Variants in DENND1C observed in about 807,000 individuals in gnomAD.
DENND1C encodes DENN domain-containing protein 1C.
Under a neutral mutation model 87.9 loss-of-function variants are expected in DENND1C, and 64 were observed. The observed-to-expected ratio is 0.73, with a 90% CI of 0.60 to 0.90. DENND1C has a LOEUF of 0.90. DENND1C is among the 40% of genes least tolerant of loss of function. The pLI is 0.00. For synonymous variants in DENND1C, 384 were observed against 424.4 expected, an observed-to-expected ratio of 0.90 and a Z score of 1.17; for missense variants, 980 against 1,037.0, an observed-to-expected ratio of 0.95 and a Z score of 0.76.
At position 6,470,202 on chromosome 19, in the gene DENND1C, G is replaced by A. The variant is rs772513066; in HGVS notation, c.1362+93C>T. 6 of 1,292,000 alleles carry A rather than the reference G, an allele frequency of 4.6e-6. No homozygotes were observed. The Admixed American group carries it at 6.0e-5, about 13-fold the overall frequency. 80.0% of individuals were successfully genotyped at this position (1,292,000 alleles called of 1,614,324 possible). A position where few individuals can be genotyped will look rare whatever the true frequency, so the allele number is the denominator to read the frequency against. On this transcript the variant is annotated intron_variant, in intron 18 of 22. Coordinates refer to ENST00000381480, the MANE Select transcript of DENND1C (RefSeq NM_024898.4). Reference sequence around the variant, plus strand: ...CATTTGTGTTTAAAGTGTCTGCCAGGGTCAAAATACTCCATCCTTGGGAGG... The same window carrying A: ...CATTTGTGTTTAAAGTGTCTGCCAGAGTCAAAATACTCCATCCTTGGGAGG...
At chr19:6,471,593 G>T in intron 15 of DENND1C, 97 bp from the exon 16 acceptor site, 1 of 1,182,084 alleles carries the variant, frequency 8.5e-7, no homozygotes, top group Non-Finnish European at 1.2e-6. Context: ...AGCCATCTCT[G>T]GCCTCCAACC....
chr19:6,478,723 G>A, intron 6 of DENND1C, 60 bp downstream of exon 6: 2 of 1,546,128 alleles, frequency 1.3e-6, no homozygotes, highest in Non-Finnish European at 8.8e-7. Flanking sequence ...GGAGGGGTTG[G>A]GAGGTTGAGG....
At chr19:6,476,473 A>C in intron 10 of DENND1C, 1 of 195,060 alleles carries the variant, frequency 5.1e-6, no homozygotes, top group East Asian at 1.4e-4. Flanking sequence ...CTGTGTTCCT[A>C]GGTCCCTGGG....
chr19:6,472,362 C>T (rs1270395952), intron 15 of DENND1C, among the ~76,000 whole-genome samples: 1 of 152,148 alleles, frequency 6.6e-6, no homozygotes, highest in Admixed American at 6.5e-5. Flanking sequence ...CCCCCAGGAA[C>T]CCAGGAGTTG....
chr19:6,472,765 A>G (rs2092836498), intron 15 of DENND1C, 124 bp downstream of exon 15: 3 of 701,062 alleles, frequency 4.3e-6, no homozygotes, highest in East Asian at 3.4e-5. Context: ...ATCCTGCTGG[A>G]CTGTCTCCAG....
intron 14 of DENND1C, among the ~76,000 whole-genome samples, chr19:6,473,816 G>GGGGGGGGGGGGGGGCCAC: frequency 7.6e-6 from 1 of 131,696 alleles, no homozygotes. Flanking sequence ...GGGGGGTGGG[G>GGGGGGGGGGGGGGGCCAC]GGAGGGAAAT....
chr19:6,471,625 G>A (rs1043429199), intron 15 of DENND1C, 129 bp from the exon 16 acceptor site: 13 of 751,124 alleles, frequency 1.7e-5, no homozygotes, highest in Non-Finnish European at 2.4e-5. Context: ...AAGCACCTGG[G>A]AAACTGGAGC....
rs2092853124 is a variant in DENND1C, at chr19:6,475,405, G to A, written c.928-6C>T. 1.2e-6 allele frequency: 2 copies of A among 1,612,010 alleles called. No individual in the cohort carries two copies. Among genetic ancestry groups the A allele is most frequent in the Non-Finnish European group, 1.7e-6 (2 of 1,178,720 alleles). ...CGGAGCCTCAGCAGGGACACCTGAA[G>A]CACAAGGGAGTGGCCCTGAGTGGGC... On this transcript the variant is annotated splice_region_variant and splice_polypyrimidine_tract_variant and intron_variant, in intron 13 of 22. Transcript: ENST00000381480.
At chr19:6,473,026 G>A (rs2092838010) in intron 14 of DENND1C, 33 bp from the exon 15 acceptor site, 2 of 1,443,402 alleles carry the variant, frequency 1.4e-6, no homozygotes, top group South Asian at 2.9e-5. Context: ...GAGCTCCCTG[G>A]GGTGCTCCTG....
At position 6,471,500 on chromosome 19, in the gene DENND1C, G is replaced by C; in HGVS notation, c.1159-4C>G. 1 of 1,548,968 alleles carries C rather than the reference G, an allele frequency of 6.5e-7. No individual in the cohort carries two copies. ...TCTCCAGCCGGGCTTCGATGAACTG[G>C]GGTGGGGGACAGTAAATCAGAAACA... On this transcript the variant is annotated splice_region_variant and splice_polypyrimidine_tract_variant and intron_variant, in intron 15 of 22. Coordinates refer to ENST00000381480, the MANE Select transcript of DENND1C (RefSeq NM_024898.4).
intron 6 of DENND1C, 127 bp from the exon 7 acceptor site, chr19:6,477,585 T>G: frequency 2.7e-6 from 1 of 375,602 alleles, no homozygotes. Flanking sequence ...GGAGTTTTTT[T>G]TTTTCTTTCT....
At position 6,481,745 on chromosome 19, in the gene DENND1C, G is replaced by A; in HGVS notation, c.-50C>T. ...GGGCCCTCTCCCCAGGGGTCCTGGG[G>A]GCCTGTGTATGCTGGGCCCCAAGCC... On this transcript the variant is annotated 5_prime_UTR_variant, in exon 1 of 23. Transcript: ENST00000381480. The A allele has an allele frequency of 6.6e-7, 1 of 1,516,024 alleles. No homozygotes were observed. Among genetic ancestry groups the A allele is most frequent in the Non-Finnish European group, 8.8e-7 (1 of 1,136,682 alleles). 93.9% of individuals were successfully genotyped at this position (1,516,024 alleles called of 1,614,324 possible).
In DENND1C at chr19:6,467,602, C is replaced by T. The variant is rs1295921474; in HGVS notation, c.2308G>A (p.Ala770Thr). Residue 770 changes from alanine to threonine, a missense_variant, in exon 23 of 23, where the codon GCC becomes ACC. Physicochemically the swap from Ala to Thr is moderately conservative, Grantham distance 58 (BLOSUM62 0). Coordinates refer to ENST00000381480, the MANE Select transcript of DENND1C (RefSeq NM_024898.4). The stretch of plus-strand genomic sequence containing the variant: ...GTGGGTGTAGCAGGGGAATTCAGGG[C>T]TCCTGGTTCCTCCCGTGGCTGGAGG... ...AHLQPREEPG[A>T]LNSPATPTSN... is the part of the protein sequence containing the mutation. The T allele has an allele frequency of 5.1e-6, 8 of 1,581,126 alleles. No individual in the cohort carries two copies. The highest frequency in any genetic ancestry group is 1.4e-5 in the African/African-American group (1 of 73,242).
Position 6,471,235 on chromosome 19 carries a change from G to A in DENND1C, c.1290+30C>T, listed in dbSNP as rs1476660472. ...GTTGGGATTACAGGCCTAAGCCAAC[G>A]CCCACGGCCTATTGTTCTGGTGGTC... On this transcript the variant is annotated intron_variant, in intron 17 of 22. Coordinates refer to ENST00000381480, the MANE Select transcript of DENND1C (RefSeq NM_024898.4). 1.4e-5 allele frequency: 22 copies of A among 1,566,520 alleles called. No homozygotes were observed. The South Asian group carries it at 1.4e-4, about 10-fold the overall frequency.
intron 20 of DENND1C, 62 bp from the exon 21 acceptor site, chr19:6,468,707 TGGA>T: frequency 7.1e-7 from 1 of 1,402,492 alleles, no homozygotes; most frequent in Non-Finnish European, 9.4e-7. Context: ...TGAGGCTTGC[TGGA>T]GAAGGGTGAG....
rs563864020 is a variant in DENND1C, at chr19:6,472,878, C to G, written c.1158+11G>C. On this transcript the variant is annotated intron_variant, in intron 15 of 22. Transcript: ENST00000381480. ...TCCAGTCCCAGCTGGACCCTCAGGG[C>G]TCTGGCATACCTGTTTGAACAGCTG... The G allele has an allele frequency of 4.0e-6, 6 of 1,515,510 alleles. No individual in the cohort carries two copies. The African/African-American group carries it at 8.4e-5, about 21-fold the overall frequency. The allele number at this position is 1,515,510 out of a possible 1,614,324, so 93.9% of individuals were successfully genotyped here. A position where few individuals can be genotyped will look rare whatever the true frequency, so the allele number is the denominator to read the frequency against.
In DENND1C at chr19:6,475,522, T is replaced by C. The variant is rs2092853902; in HGVS notation, c.889A>G (p.Thr297Ala). 5 of 1,613,746 alleles carry C rather than the reference T, an allele frequency of 3.1e-6. No individual in the cohort carries two copies. The highest frequency in any genetic ancestry group is 3.3e-5 in the Admixed American group (2 of 59,990). The change falls in exon 13 of 23, where the codon ACG becomes GCG. Residue 297 changes from threonine to alanine, a missense_variant. Physicochemically the swap from Thr to Ala is moderately conservative, Grantham distance 58 (BLOSUM62 0). Transcript: ENST00000381480. ...AGCGCCTGCACGTCGTTAAAGGTCG[T>C]CTCCAAGGTATTGGCGTCCACGTTC... ...VLNVDANTLE[T>A]TFNDVQALPP... is the part of the protein sequence containing the mutation.
chr19:6,480,543 TATCC>T (rs1913489220), intron 1 of DENND1C: 4 of 701,434 alleles, frequency 5.7e-6, no homozygotes, highest in Admixed American at 1.4e-4. Flanking sequence ...CCCACCCACC[TATCC>T]ATCCACCCAC....
Position 6,468,461 on chromosome 19 carries a change from C to G in DENND1C, c.1584-20G>C, listed in dbSNP as rs368567039. On this transcript the variant is annotated intron_variant, in intron 21 of 22. Transcript: ENST00000381480. ...GGTGTCCTGGGTGAGGATGGGCAGCCTCAGATATTTGCCCAAGACCCCCAG... is the reference window on the plus strand; with the variant it reads ...GGTGTCCTGGGTGAGGATGGGCAGCGTCAGATATTTGCCCAAGACCCCCAG... 1.9e-6 allele frequency: 3 copies of G among 1,603,938 alleles called. No homozygotes were observed. The highest frequency in any genetic ancestry group is 1.7e-6 in the Non-Finnish European group (2 of 1,175,054).
Sources: allele counts gnomAD v4.1 joint callset (sites outside exome capture counted in the v4.1 genomes callset), GRCh38; gene constraint gnomAD v4.1.1; transcripts MANE v1.5; gene names NCBI Gene and HGNC (gene_info 2026-07-23, HGNC 2026-07-21).